Variants in LRSAM1 observed in about 807,000 individuals in gnomAD.
LRSAM1 encodes the protein E3 ubiquitin-protein ligase LRSAM1.
Under a neutral mutation model 118.1 loss-of-function variants are expected in LRSAM1, and 96 were observed. That is an observed-to-expected ratio of 0.81 (90% confidence interval 0.69 to 0.96). The LOEUF is 0.96. Among genes scored for constraint, LRSAM1 ranks in the 40% least tolerant of loss-of-function variants. LRSAM1 has a pLI of 0.00. For synonymous variants in LRSAM1, 322 were observed against 364.2 expected, an observed-to-expected ratio of 0.88 and a Z score of 1.32; for missense variants, 804 against 915.5, an observed-to-expected ratio of 0.88 and a Z score of 1.57.
intron 24 of LRSAM1, among the ~76,000 whole-genome samples, chr9:127,500,575 C>G (rs1335641311): frequency 6.6e-6 from 1 of 152,108 alleles, no homozygotes; most frequent in Non-Finnish European, 1.5e-5. Context: ...GTGGAGAAGC[C>G]AAGAGCTGGC....
chr9:127,490,267 T>G (rs889675540), intron 19 of LRSAM1, among the ~76,000 whole-genome samples: 23 of 152,154 alleles, frequency 1.5e-4, no homozygotes, highest in African/African-American at 5.6e-4. Context: ...TCTTTCTTTC[T>G]TTCTTTCTTT....
Position 127,491,223 on chromosome 9 carries a change from A to C in LRSAM1, c.1431A>C (p.Leu477Phe), listed in dbSNP as rs1326088719. 3 of 1,613,502 alleles carry C rather than the reference A, an allele frequency of 1.9e-6. No individual in the cohort carries two copies. The highest frequency in any genetic ancestry group is 2.7e-5 in the African/African-American group (2 of 74,906). Residue 477 changes from leucine (L) to phenylalanine (F), a missense_variant, in exon 20 of 26, where the codon TTA becomes TTC. Physicochemically the swap from Leu to Phe is conservative, Grantham distance 22 (BLOSUM62 0). Coordinates refer to ENST00000300417, the MANE Select transcript of LRSAM1 (RefSeq NM_001005373.4). ...TCTCGTCTTCTGTTTAGATTAAGTT[A>C]ATAGAAACTGAGTTATTGCAGCTGA... The part of the protein sequence containing the change: ...MHRQIRSQIK[L>F]IETELLQLTQ...
intron 10 of LRSAM1, among the ~76,000 whole-genome samples, chr9:127,469,080 A>G (rs1454041736): frequency 6.6e-6 from 1 of 152,234 alleles, no homozygotes; most frequent in African/African-American, 2.4e-5. Flanking sequence ...TTTGCAATAC[A>G]TATATATCCA....
chr9:127,489,612 C>T (rs1406087605), intron 19 of LRSAM1, 94 bp downstream of exon 19: 2 of 1,353,954 alleles, frequency 1.5e-6, no homozygotes, highest in South Asian at 1.3e-5. Flanking sequence ...GAGGTTTGAA[C>T]CCCAGCTCCT....
Position 127,459,051 on chromosome 9 carries a change from G to A in LRSAM1, c.301G>A (p.Gly101Arg), listed in dbSNP as rs558871054. 25 of 1,613,552 alleles carry A rather than the reference G, an allele frequency of 1.5e-5. No individual in the cohort carries two copies. In the Admixed American group the frequency reaches 4.2e-4, roughly 27 times the overall value. Reference sequence around the variant, plus strand: ...GCTGACAGCCCTTCCTGACGATCTGGGGCAGCTGACTGCCCTCCAGGTAAG... The same window carrying A: ...GCTGACAGCCCTTCCTGACGATCTGAGGCAGCTGACTGCCCTCCAGGTAAG... ...NQLTALPDDLGQLTALQVLNV... is the reference protein window; with the variant it reads ...NQLTALPDDLRQLTALQVLNV... The change falls in exon 7 of 26, where the codon GGG (glycine) becomes AGG (arginine). Residue 101 changes from glycine (G) to arginine (R), a missense_variant. Coordinates refer to ENST00000300417, the MANE Select transcript of LRSAM1 (RefSeq NM_001005373.4).
intron 11 of LRSAM1, among the ~76,000 whole-genome samples, chr9:127,476,742 T>G (rs1371788439): frequency 6.6e-6 from 1 of 152,100 alleles, no homozygotes; most frequent in Non-Finnish European, 1.5e-5. Context: ...TGGCATGATC[T>G]CAGCTCACTG....
At position 127,473,903 on chromosome 9, in the gene LRSAM1, G is replaced by C; in HGVS notation, c.722G>C (p.Arg241Thr). ...SRDSPDGPTD[R>T]FSREELEWQN... is the part of the protein sequence containing the mutation. ...GACAGCCCTGATGGGCCCACGGACA[G>C]ATTCTCAAGGGAGGAGTTAGAGTGG... The change falls in exon 11 of 26, where the codon AGA (arginine) becomes ACA (threonine). Residue 241 changes from arginine (R) to threonine (T), a missense_variant. Physicochemically the swap from Arg to Thr is moderately conservative, Grantham distance 71. Coordinates refer to ENST00000300417, the MANE Select transcript of LRSAM1 (RefSeq NM_001005373.4). 1 of 1,614,274 alleles carries C rather than the reference G, an allele frequency of 6.2e-7. No homozygotes were observed. The highest frequency in any genetic ancestry group is 8.5e-7 in the Non-Finnish European group (1 of 1,180,052).
At chr9:127,472,315 G>A (rs62584994) in intron 10 of LRSAM1, among the ~76,000 whole-genome samples, 818 of 52,140 alleles carry the variant, frequency 0.016, 3 homozygotes, top group East Asian at 0.058. Context: ...ATATATATAT[G>A]TGTGTGTAAA....
chr9:127,503,186 A>G lies in LRSAM1; in HGVS notation c.*287A>G, dbSNP rs915465971. On this transcript the variant is annotated 3_prime_UTR_variant, in exon 26 of 26. Transcript: ENST00000300417. ...AGCCAGCGTCCCAGCCTAATCACGG[A>G]TCTGCTGCCTCCCAGCTGTCTTGAC... is the stretch of plus-strand genomic sequence containing the variant. 4.3e-6 allele frequency: 2 copies of G among 465,224 alleles called. No homozygotes were observed. Among genetic ancestry groups the G allele is most frequent in the South Asian group, 2.1e-5 (1 of 48,104 alleles). 28.8% of individuals were successfully genotyped at this position (465,224 alleles called of 1,614,324 possible). A position where few individuals can be genotyped will look rare whatever the true frequency, so the allele number is the denominator to read the frequency against.
At chr9:127,489,924 G>A (rs1835871757) in intron 19 of LRSAM1, among the ~76,000 whole-genome samples, 1 of 152,242 alleles carries the variant, frequency 6.6e-6, no homozygotes, top group African/African-American at 2.4e-5. Context: ...CGTCTCAGGG[G>A]CATATAGTAT....
In LRSAM1 at chr9:127,485,767, T is replaced by A. The variant is rs924324546; in HGVS notation, c.1191T>A (p.Cys397Ter). 1 of 1,613,964 alleles carries A rather than the reference T, an allele frequency of 6.2e-7. No individual in the cohort carries two copies. The highest frequency in any genetic ancestry group is 1.3e-5 in the African/African-American group (1 of 74,898). Reference protein sequence around the residue: ...SAMQQMLTESCKNRLIQMAYE... With the variant: ...SAMQQMLTES ...TGCAGCAGATGCTGACTGAGAGCTG[T>A]AAGAACCGGCTCATCCAGATGGCCT... Residue 397 changes from cysteine (C) to a stop codon, truncating the protein, a stop_gained, in exon 17 of 26, where the codon TGT becomes TGA. Transcript: ENST00000300417. LOFTEE classifies it high-confidence loss of function.
rs780288514 is a variant in LRSAM1 at position 127,495,969 on chromosome 9, G to A, written c.1704G>A (p.Glu568=). The A allele has an allele frequency of 6.8e-6, 11 of 1,612,798 alleles. No individual in the cohort carries two copies. Among genetic ancestry groups the A allele is most frequent in the South Asian group, 6.6e-5 (6 of 90,934 alleles). ...TACACGTTTCTGTCTTGCAGGAAGAGGGGATGGAGCGCCAGCTGGTGGCCC... is the reference window on the plus strand; with the variant it reads ...TACACGTTTCTGTCTTGCAGGAAGAAGGGATGGAGCGCCAGCTGGTGGCCC... ...QKPLSLKLQE[E]GMERQLVALL... is the part of the protein sequence containing the mutation. Residue 568 remains glutamate, a synonymous_variant, in exon 23 of 26, where the codon GAG becomes GAA. Coordinates refer to ENST00000300417, the MANE Select transcript of LRSAM1 (RefSeq NM_001005373.4).
In LRSAM1 at chr9:127,454,555, C is replaced by A. The variant is rs746999697; in HGVS notation, c.28C>A (p.Pro10Thr). The A allele has an allele frequency of 6.2e-7, 1 of 1,614,158 alleles. No homozygotes were observed. Among genetic ancestry groups the A allele is most frequent in the Admixed American group, 1.7e-5 (1 of 60,012 alleles). Residue 10 changes from proline to threonine, a missense_variant, in exon 3 of 26, where the codon CCC becomes ACC. By Grantham distance (38) the Pro-to-Thr change is conservative (BLOSUM62 -1). Coordinates refer to ENST00000300417, the MANE Select transcript of LRSAM1 (RefSeq NM_001005373.4). MPLFFRKRK[P>T]SEEARKRLEY... ...GCCGCTCTTCTTCCGGAAGCGGAAACCCAGTGAGGAGGCTCGGAAACGCCT... is the reference window on the plus strand; with the variant it reads ...GCCGCTCTTCTTCCGGAAGCGGAAAACCAGTGAGGAGGCTCGGAAACGCCT...
rs193059105 is a variant in LRSAM1 at position 127,469,356 on chromosome 9, G to C, written c.619+1526G>C. Among the ~76,000 whole-genome samples, 409 of 152,200 alleles carry C rather than the reference G, an allele frequency of 2.7e-3. 3 individuals carry two copies. The highest frequency in any genetic ancestry group is 9.2e-3 in the African/African-American group (381 of 41,516). On this transcript the variant is annotated intron_variant, in intron 10 of 25. Coordinates refer to ENST00000300417, the MANE Select transcript of LRSAM1 (RefSeq NM_001005373.4). Reference sequence around the variant, plus strand: ...ATGGTGGCAGGCACCTGTAATCCCAGCTACTCAGGAGGCTGAGGCAGGAGA... The same window carrying C: ...ATGGTGGCAGGCACCTGTAATCCCACCTACTCAGGAGGCTGAGGCAGGAGA...
At chr9:127,464,319 C>T (rs1035579200) in intron 9 of LRSAM1, among the ~76,000 whole-genome samples, 4 of 152,090 alleles carry the variant, frequency 2.6e-5, no homozygotes, top group Admixed American at 2.6e-4. Context: ...CCGTGCTGTC[C>T]AGAGCGGCAG....
At chr9:127,469,197 C>T (rs188444069) in intron 10 of LRSAM1, among the ~76,000 whole-genome samples, 3 of 151,904 alleles carry the variant, frequency 2.0e-5, no homozygotes, top group Admixed American at 1.3e-4. Flanking sequence ...AATATCCACA[C>T]GGTGGCTCAC....
At chr9:127,500,456 G>C in intron 24 of LRSAM1, among the ~76,000 whole-genome samples, 1 of 152,132 alleles carries the variant, frequency 6.6e-6, no homozygotes, top group East Asian at 1.9e-4. Context: ...CAGCATGCTG[G>C]GGACTCTGTG....
chr9:127,451,602 C>A lies in LRSAM1; in HGVS notation c.-256C>A. The A allele has an allele frequency of 1.9e-6, 1 of 525,558 alleles. No individual in the cohort carries two copies. Among genetic ancestry groups the A allele is most frequent in the Non-Finnish European group, 3.4e-6 (1 of 289,934 alleles). The allele number at this position is 525,558 out of a possible 1,614,324, so 32.6% of individuals were successfully genotyped here. On this transcript the variant is annotated 5_prime_UTR_variant, in exon 1 of 26. Coordinates refer to ENST00000300417, the MANE Select transcript of LRSAM1 (RefSeq NM_001005373.4). Reference sequence around the variant, plus strand: ...TCCGAAAGGGGGTTCGGGTAGTTCGCTCCGGAGAAGTCTGAGAAGGGTGGC... The same window carrying A: ...TCCGAAAGGGGGTTCGGGTAGTTCGATCCGGAGAAGTCTGAGAAGGGTGGC...
chr9:127,494,623 G>A (rs1394723200), intron 21 of LRSAM1, among the ~76,000 whole-genome samples: 3 of 152,202 alleles, frequency 2.0e-5, no homozygotes, highest in South Asian at 2.1e-4. Flanking sequence ...AGTACTCAAC[G>A]AAGAGTTATC....
Sources: gnomAD v4.1 joint callset for allele counts (sites outside exome capture counted in the v4.1 genomes callset) on GRCh38, gnomAD v4.1.1 for gene constraint, MANE v1.5 for transcripts, NCBI Gene and HGNC (gene_info 2026-07-23, HGNC 2026-07-21) for gene names.